The following SV2B variants were observed in gnomAD, a reference collection of about 807,000 sequenced individuals.
SV2B encodes synaptic vesicle glycoprotein 2B.
SV2B carries 41 observed loss-of-function variants against 73.9 expected under a neutral mutation model. That is an observed-to-expected ratio of 0.56 (90% confidence interval 0.43 to 0.72). The LOEUF (loss-of-function observed/expected upper bound fraction) is 0.72. Ranked by LOEUF, SV2B falls within the 30% of genes least tolerant of loss-of-function variation. The probability of loss-of-function intolerance (pLI) is 0.00; values close to 1 mark genes in which losing one functional copy is unlikely to be tolerated. For missense variants in SV2B, 764 were observed against 857.8 expected, an observed-to-expected ratio of 0.89 and a Z score of 1.37; for synonymous variants, 314 against 314.2, an observed-to-expected ratio of 1.00 and a Z score of 0.01.
At chr15:91,155,589 C>T (rs751568383) in intron 1 of SV2B, among the ~76,000 whole-genome samples, 41 of 152,086 alleles carry the variant, frequency 2.7e-4, no homozygotes, top group Non-Finnish European at 1.6e-4. Context: ...CCAGAGGTCT[C>T]GTGTCTCATG....
intron 1 of SV2B, among the ~76,000 whole-genome samples, chr15:91,127,773 C>T (rs2042528778): frequency 6.6e-6 from 1 of 151,966 alleles, no homozygotes; most frequent in Non-Finnish European, 1.5e-5. Context: ...ATGCTGCCTC[C>T]ATAGTGGAGT....
chr15:91,191,383 C>T (rs2045023165), intron 1 of SV2B, among the ~76,000 whole-genome samples: 1 of 152,062 alleles, frequency 6.6e-6, no homozygotes, highest in South Asian at 2.1e-4. Flanking sequence ...TTAGAGAGAA[C>T]CCTTCCACCC....
intron 1 of SV2B, among the ~76,000 whole-genome samples, chr15:91,159,973 T>G (rs1286244560): frequency 1.3e-5 from 2 of 152,102 alleles, no homozygotes; most frequent in Non-Finnish European, 2.9e-5. Flanking sequence ...AAATAAAAAT[T>G]GACAAAACTA....
intron 9 of SV2B, among the ~76,000 whole-genome samples, chr15:91,279,064 C>G (rs2048598532): frequency 6.6e-6 from 1 of 152,168 alleles, no homozygotes; most frequent in African/African-American, 2.4e-5. Flanking sequence ...TTCCCTCTGT[C>G]TGGAATACAT....
chr15:91,165,525 AC>A (rs1159292947), intron 1 of SV2B, among the ~76,000 whole-genome samples: 1 of 152,180 alleles, frequency 6.6e-6, no homozygotes, highest in Non-Finnish European at 1.5e-5. Flanking sequence ...CAAATATCAC[AC>A]CATTTAATAT....
intron 1 of SV2B, among the ~76,000 whole-genome samples, chr15:91,188,360 C>T (rs984507917): frequency 6.6e-6 from 1 of 151,972 alleles, no homozygotes; most frequent in African/African-American, 2.4e-5. Context: ...GTTGCCCAGG[C>T]TGGAGTGCAG....
chr15:91,109,811 C>G (rs571860811), intron 1 of SV2B, among the ~76,000 whole-genome samples: 1 of 152,150 alleles, frequency 6.6e-6, no homozygotes, highest in African/African-American at 2.4e-5. Flanking sequence ...CTTGGTCTCA[C>G]TGCAACCTCT....
chr15:91,242,091 C>T lies in SV2B; in HGVS notation c.452-9728C>T, dbSNP rs935073211. 3.9e-5 allele frequency among the ~76,000 whole-genome samples: 6 copies of T among 152,234 alleles called. No homozygotes were observed. Among genetic ancestry groups the T allele is most frequent in the African/African-American group, 1.4e-4 (6 of 41,456 alleles). ...CTCATCCTCAGCTTATTCACCTGTT[C>T]ACAGCAACTCTAACGGTTAGCCACT... On this transcript the variant is annotated intron_variant, in intron 2 of 12. Transcript: ENST00000394232. This position sits in a 1 kb window ranked among gnomAD's most constrained non-coding sequence, Gnocchi z 4.9.
At chr15:91,164,920 T>G (rs2043856397) in intron 1 of SV2B, among the ~76,000 whole-genome samples, 1 of 152,252 alleles carries the variant, frequency 6.6e-6, no homozygotes, top group African/African-American at 2.4e-5. Flanking sequence ...GTACTTTTCC[T>G]TATGTTTTCA....
At chr15:91,158,099 G>T (rs1013086448) in intron 1 of SV2B, among the ~76,000 whole-genome samples, 1 of 152,148 alleles carries the variant, frequency 6.6e-6, no homozygotes, top group East Asian at 1.9e-4. Flanking sequence ...GATATGGTTC[G>T]TTGGTCCTCA....
chr15:91,281,692 C>T lies in SV2B; in HGVS notation c.1374-36C>T, dbSNP rs371299797. Reference sequence around the variant, plus strand: ...TTTGGTCTTAAGTCTCTTTTTTTCTCAGATGAATCACTCAAGGGTCAACCT... The same window carrying T: ...TTTGGTCTTAAGTCTCTTTTTTTCTTAGATGAATCACTCAAGGGTCAACCT... On this transcript the variant is annotated intron_variant, in intron 9 of 12. Transcript: ENST00000394232. This position sits in a 1 kb window ranked among gnomAD's most constrained non-coding sequence, Gnocchi z 4.7. 5 of 1,521,464 alleles carry T rather than the reference C, an allele frequency of 3.3e-6. No individual in the cohort carries two copies. In the African/African-American group the frequency reaches 4.3e-5, roughly 13 times the overall value. The allele number at this position is 1,521,464 out of a possible 1,614,324, so 94.2% of individuals were successfully genotyped here.
At position 91,226,111 on chromosome 15, in the gene SV2B, G is replaced by A. The variant is rs1025771959; in HGVS notation, c.-153G>A. On this transcript the variant is annotated 5_prime_UTR_variant, in exon 2 of 13. Coordinates refer to ENST00000394232, the MANE Select transcript of SV2B (RefSeq NM_001323032.3). The stretch of plus-strand genomic sequence containing the variant: ...TGGTTGATTTGAGAGATAAAGGGGG[G>A]GGGAACCAGTGTGACTTTCACCTAA... 55 of 710,912 alleles carry A rather than the reference G, an allele frequency of 7.7e-5. No individual in the cohort carries two copies. The highest frequency in any genetic ancestry group is 9.1e-5 in the Non-Finnish European group (40 of 437,250). 44.0% of individuals were successfully genotyped at this position (710,912 alleles called of 1,614,324 possible).
At chr15:91,190,709 G>T (rs1244044536) in intron 1 of SV2B, among the ~76,000 whole-genome samples, 1 of 152,164 alleles carries the variant, frequency 6.6e-6, no homozygotes, top group Non-Finnish European at 1.5e-5. Flanking sequence ...TACATTGTAG[G>T]ATTTTGCAAA....
chr15:91,225,417 T>C (rs2046340673), intron 1 of SV2B, among the ~76,000 whole-genome samples: 1 of 152,250 alleles, frequency 6.6e-6, no homozygotes, highest in Non-Finnish European at 1.5e-5. Flanking sequence ...ACCTCCACTA[T>C]TGCCAAAGGC....
In SV2B at chr15:91,281,848, C is replaced by T; in HGVS notation, c.1494C>T (p.Ile498=). Residue 498 remains isoleucine (I), a synonymous_variant, in exon 10 of 13, where the codon ATC becomes ATT. Transcript: ENST00000394232. The surrounding 1 kb of genome is among the most constrained non-coding windows in gnomAD (Gnocchi z 4.7). ...YFKNCTIEST[I]FYNTDLYEHK... is the part of the protein sequence containing the mutation. ...AAAATTGTACCATTGAATCAACCAT[C>T]TTTTACAACACAGGTAGGTAAGAAC... 2 of 1,611,594 alleles carry T rather than the reference C, an allele frequency of 1.2e-6. No individual in the cohort carries two copies. Among genetic ancestry groups the T allele is most frequent in the Middle Eastern group, 1.8e-4 (1 of 5,600 alleles).
Position 91,153,377 on chromosome 15 carries a change from G to A in SV2B, c.-392+53014G>A, listed in dbSNP as rs546963789. On this transcript the variant is annotated intron_variant, in intron 1 of 12. Transcript: ENST00000394232. ...CCTTGGGAAACTAGCATTGCATCTC[G>A]GGAGCTCTGGCTGCTCGGCCACAGG... 2.6e-5 allele frequency among the ~76,000 whole-genome samples: 4 copies of A among 152,184 alleles called. No individual in the cohort carries two copies. In the South Asian group the frequency reaches 8.3e-4, roughly 32 times the overall value.
intron 9 of SV2B, among the ~76,000 whole-genome samples, chr15:91,278,799 T>C (rs1476557240): frequency 6.6e-6 from 1 of 152,082 alleles, no homozygotes. Context: ...TATTTGTCTT[T>C]TGATTTACCT....
chr15:91,205,787 G>A (rs1001504524), intron 1 of SV2B, among the ~76,000 whole-genome samples: 4 of 152,160 alleles, frequency 2.6e-5, no homozygotes, highest in African/African-American at 7.2e-5. Flanking sequence ...TCAGAAGGGT[G>A]TCTATCTCCA....
In SV2B at chr15:91,124,757, G is replaced by A. The variant is rs55886708; in HGVS notation, c.-392+24394G>A. Among the ~76,000 whole-genome samples, 10,393 of 151,930 alleles carry A rather than the reference G, an allele frequency of 0.068. 413 individuals carry two copies. Among genetic ancestry groups the A allele is most frequent in the South Asian group, 0.11 (521 of 4,804 alleles). ...CAACCTCCACCTCCTGGGTTCAAGC[G>A]ATTCTTGAGCCTCAGCATCCCAAGT... is the stretch of plus-strand genomic sequence containing the variant. On this transcript the variant is annotated intron_variant, in intron 1 of 12. Transcript: ENST00000394232. This position sits in a 1 kb window ranked among gnomAD's most constrained non-coding sequence, Gnocchi z 4.6.
Sources: gnomAD v4.1 joint callset for allele counts (sites outside exome capture counted in the v4.1 genomes callset) on GRCh38, gnomAD v4.1.1 for gene constraint, Gnocchi (gnomAD v3.1) non-coding constraint, MANE v1.5 for transcripts, NCBI Gene and HGNC (gene_info 2026-07-23, HGNC 2026-07-21) for gene names.